The following PAK3 variants were observed in gnomAD, a reference collection of about 807,000 sequenced individuals.
PAK3 encodes the protein p21 (RAC1) activated kinase 3.
A neutral mutation model predicts 41.0 loss-of-function variants in PAK3; 4 were observed. The ratio of observed to expected loss-of-function variants is 0.10; its 90% CI spans 0.05 to 0.22. The LOEUF is 0.22. PAK3 is among the 10% of genes least tolerant of loss of function. The pLI, the probability that PAK3 is intolerant of heterozygous loss-of-function variation, is 1.00. For synonymous variants in PAK3, 146 were observed against 139.6 expected (o/e 1.05, Z -0.32); for missense variants, 205 against 409.9 (o/e 0.50, Z 4.32).
chrX:111,045,791 C>T (rs2092491886), intron 1 of PAK3, among the ~76,000 whole-genome samples: 1 of 111,401 alleles, frequency 9.0e-6, no homozygotes, highest in South Asian at 3.8e-4. Flanking sequence ...TTCACTCCAC[C>T]ACACCTGCCG....
rs1183157065 is a variant in PAK3, at chrX:111,224,779, A to G, written c.*4332A>G. The G allele has an allele frequency of 2.7e-5, 3 of 112,374 alleles. No individual in the cohort carries two copies. Among genetic ancestry groups the G allele is most frequent in the Non-Finnish European group, 5.6e-5 (3 of 53,280 alleles). 9.3% of individuals were successfully genotyped at this position (112,374 alleles called of 1,213,427 possible). On this transcript the variant is annotated 3_prime_UTR_variant, in exon 18 of 18. Transcript: ENST00000372007. Reference sequence around the variant, plus strand: ...TAGGTGAGAACTTTAATAATGAGGTAGTCACCTCAGATATGCTGCTTAGTT... The same window carrying G: ...TAGGTGAGAACTTTAATAATGAGGTGGTCACCTCAGATATGCTGCTTAGTT...
chrX:111,209,847 G>T (rs1200941027), intron 16 of PAK3, among the ~76,000 whole-genome samples: 4 of 112,512 alleles, frequency 3.6e-5, no homozygotes, highest in South Asian at 3.7e-4. Context: ...CATATGGATT[G>T]TGTGGGGACT....
chrX:111,045,940 G>T (rs1326883799), intron 1 of PAK3, among the ~76,000 whole-genome samples: 1 of 111,604 alleles, frequency 9.0e-6, no homozygotes, highest in African/African-American at 3.3e-5. Flanking sequence ...CTGAGCTATT[G>T]TTTCTGCCAT....
chrX:110,990,029 T>C (rs1012882060), intron 1 of PAK3, among the ~76,000 whole-genome samples: 2 of 111,986 alleles, frequency 1.8e-5, no homozygotes, highest in Non-Finnish European at 3.8e-5. Context: ...AAAGTCTTTA[T>C]AGGAATGTTA....
upstream of PAK3, among the ~76,000 whole-genome samples, chrX:111,094,130 T>A (rs760740727): frequency 9.0e-6 from 1 of 110,637 alleles, no homozygotes; most frequent in African/African-American, 3.3e-5. Flanking sequence ...GTAAAATCAC[T>A]GGAGTCAGAA....
At chrX:111,037,218 T>C (rs1165917259) in intron 1 of PAK3, among the ~76,000 whole-genome samples, 1 of 111,978 alleles carries the variant, frequency 8.9e-6, no homozygotes, top group Non-Finnish European at 1.9e-5. Flanking sequence ...GTGCTGGGAT[T>C]ACAGTCATGA....
intron 1 of PAK3, among the ~76,000 whole-genome samples, chrX:111,015,090 G>A (rs1443809539): frequency 9.0e-6 from 1 of 110,623 alleles, no homozygotes; most frequent in Admixed American, 9.5e-5. Context: ...ATACTAGCAA[G>A]TGTAACTGGT....
intron 1 of PAK3, among the ~76,000 whole-genome samples, chrX:111,069,870 C>T (rs900946218): frequency 3.6e-5 from 4 of 111,437 alleles, no homozygotes; most frequent in African/African-American, 6.5e-5. Flanking sequence ...ACTTCCTTGA[C>T]GACCCTTAAT....
chrX:111,054,752 C>T (rs751702404), intron 1 of PAK3, among the ~76,000 whole-genome samples: 3 of 111,210 alleles, frequency 2.7e-5, no homozygotes, highest in African/African-American at 3.3e-5. Context: ...TATCTATTGA[C>T]GAAGAGCCAT....
chrX:111,095,784 TC>T (rs1476888819), upstream of PAK3, among the ~76,000 whole-genome samples: 1 of 111,079 alleles, frequency 9.0e-6, no homozygotes, highest in Non-Finnish European at 1.9e-5. Flanking sequence ...AACCGTTTTT[TC>T]CCCCGAATAA....
At chrX:110,977,350 GA>G (rs1251216974) in intron 1 of PAK3, among the ~76,000 whole-genome samples, 1 of 110,742 alleles carries the variant, frequency 9.0e-6, no homozygotes, top group Non-Finnish European at 1.9e-5. Context: ...TCTTTTCCAA[GA>G]TTGTTTTAAC....
At chrX:111,004,138 T>C (rs764597627) in intron 1 of PAK3, among the ~76,000 whole-genome samples, 1 of 112,389 alleles carries the variant, frequency 8.9e-6, no homozygotes, top group South Asian at 3.7e-4. Context: ...TTTGGAGCAC[T>C]GGCAATAGAA....
intron 1 of PAK3, among the ~76,000 whole-genome samples, chrX:110,999,829 C>G (rs1193375587): frequency 9.0e-6 from 1 of 110,536 alleles, no homozygotes; most frequent in African/African-American, 3.3e-5. Context: ...CAAAAATTAG[C>G]CAGGCATGTT....
chrX:110,948,957 A>G (rs997504180), intron 1 of PAK3, among the ~76,000 whole-genome samples: 3 of 112,179 alleles, frequency 2.7e-5, no homozygotes, highest in Non-Finnish European at 5.6e-5. Context: ...ACAAATGCCT[A>G]TGGAAGTTTC....
At chrX:111,061,220 A>G (rs1203609478) in intron 1 of PAK3, among the ~76,000 whole-genome samples, 1 of 112,349 alleles carries the variant, frequency 8.9e-6, no homozygotes, top group Non-Finnish European at 1.9e-5. Context: ...ACTTATTTAA[A>G]TCAATTTTAT....
At chrX:111,070,792 A>G (rs1261012871) in intron 1 of PAK3, among the ~76,000 whole-genome samples, 1 of 111,886 alleles carries the variant, frequency 8.9e-6, no homozygotes, top group Non-Finnish European at 1.9e-5. Context: ...AAAACATTGC[A>G]TTTGACTCTG....
Position 111,006,851 on chromosome X carries a change from T to TTCTTTCTTTC in PAK3, c.-28+62224_-28+62225insCTTTCTTTCT, listed in dbSNP as rs1204073502. On this transcript the variant is annotated intron_variant, in intron 1 of 14. Transcript: ENST00000425146. ...TTTCTTTCTTTCTTTCTTTCTTTCT[T>TTCTTTCTTTC]TTTTTTTTTTTTTGATAAGTTTTCC... is the stretch of plus-strand genomic sequence containing the variant. Among the ~76,000 whole-genome samples, 7 of 92,382 alleles carry TTCTTTCTTTC rather than the reference T, an allele frequency of 7.6e-5. No individual in the cohort carries two copies. The Middle Eastern group carries it at 0.016, about 214-fold the overall frequency. 80.2% of individuals were successfully genotyped at this position (92,382 alleles called of 115,157 possible). A position where few individuals can be genotyped will look rare whatever the true frequency, so the allele number is the denominator to read the frequency against.
intron 1 of PAK3, among the ~76,000 whole-genome samples, chrX:111,060,883 A>G (rs2092649883): frequency 8.9e-6 from 1 of 111,828 alleles, no homozygotes. Flanking sequence ...TTTTATTGCC[A>G]ATACTTGATT....
intron 1 of PAK3, among the ~76,000 whole-genome samples, chrX:111,083,581 C>T (rs1569307526): frequency 8.9e-6 from 1 of 112,153 alleles, no homozygotes; most frequent in East Asian, 2.8e-4. Flanking sequence ...GGAACATTTC[C>T]TCCTTTCCTT....
Sources: allele counts gnomAD v4.1 joint callset (sites outside exome capture counted in the v4.1 genomes callset), GRCh38; gene constraint gnomAD v4.1.1; transcripts MANE v1.5; gene names NCBI Gene and HGNC (gene_info 2026-07-23, HGNC 2026-07-21).